Variants in IL2RA observed in about 807,000 individuals in gnomAD.
IL2RA encodes the protein interleukin-2 receptor subunit alpha.
In IL2RA, 24 loss-of-function variants were observed where a neutral mutation model predicts 37.8. The observed-to-expected ratio is 0.63, with a 90% CI of 0.46 to 0.89. The LOEUF is 0.89. IL2RA is among the 40% of genes least tolerant of loss of function. The pLI, the probability that IL2RA is intolerant of heterozygous loss-of-function variation, is 0.00. For missense variants in IL2RA, 319 were observed against 348.6 expected (o/e 0.92, Z 0.68); for synonymous variants, 125 against 114.6 (o/e 1.09, Z -0.58).
Position 6,025,873 on chromosome 10 carries a change from G to A in IL2RA, c.217C>T (p.His73Tyr), listed in dbSNP as rs1375177673. The A allele has an allele frequency of 1.1e-5, 17 of 1,614,078 alleles. No homozygotes were observed. Among genetic ancestry groups the A allele is most frequent in the Non-Finnish European group, 1.4e-5 (17 of 1,180,038 alleles). ...LYMLCTGNSS[H>Y]SSWDNQCQCT... ...TGACATTGGTTGTCCCAGGACGAGT[G>A]GCTAGAGTTTCCTGTACAGAGCATA... The change falls in exon 2 of 8, where the codon CAC becomes TAC. Residue 73 changes from histidine (H) to tyrosine (Y), a missense_variant. By Grantham distance (83) the His-to-Tyr change is moderately conservative (BLOSUM62 2). Transcript: ENST00000379959. This position sits in a 1 kb window ranked among gnomAD's most constrained non-coding sequence, Gnocchi z 4.4.
At chr10:6,037,481 A>G (rs983466213) in intron 1 of IL2RA, among the ~76,000 whole-genome samples, 6 of 152,166 alleles carry the variant, frequency 3.9e-5, no homozygotes, top group African/African-American at 1.4e-4. Flanking sequence ...ATATATCAGA[A>G]CTTTAAGCTC....
intron 1 of IL2RA, among the ~76,000 whole-genome samples, chr10:6,045,333 G>T (rs1292593529): frequency 6.6e-6 from 1 of 152,134 alleles, no homozygotes; most frequent in Non-Finnish European, 1.5e-5. Context: ...TGGGGTGGTG[G>T]GGTGGAGGGA....
intron 1 of IL2RA, among the ~76,000 whole-genome samples, chr10:6,051,836 T>TATATATATATATATATAC (rs1554831681): frequency 8.2e-6 from 1 of 121,452 alleles, no homozygotes. Flanking sequence ...TATATATATA[T>TATATATATATATATATAC]ATATATAGAA....
chr10:6,018,237 C>T lies in IL2RA; in HGVS notation c.728-118G>A. 1.3e-6 allele frequency: 1 copy of T among 759,422 alleles called. No homozygotes were observed. The highest frequency in any genetic ancestry group is 1.5e-5 in the South Asian group (1 of 68,432). 47.0% of individuals were successfully genotyped at this position (759,422 alleles called of 1,614,324 possible). On this transcript the variant is annotated intron_variant, in intron 6 of 7. Transcript: ENST00000379959. This position sits in a 1 kb window ranked among gnomAD's most constrained non-coding sequence, Gnocchi z 5.1. ...CAAAGAGCAAGGCGGAGGCTGCAGC[C>T]TCTCTTCCCTGTCTCAGGAAGTAGG...
At chr10:6,031,494 GTATATATA>G (rs61619651) in intron 1 of IL2RA, among the ~76,000 whole-genome samples, 1,420 of 27,442 alleles carry the variant, frequency 0.052, 52 homozygotes, top group Middle Eastern at 0.21. Context: ...ATATATATAT[GTATATATA>G]TATATATATG....
intron 1 of IL2RA, among the ~76,000 whole-genome samples, chr10:6,061,264 G>C (rs1228994514): frequency 6.6e-6 from 1 of 151,994 alleles, no homozygotes; most frequent in African/African-American, 2.4e-5. Flanking sequence ...GCGTATGCCT[G>C]TAGTCCCAGC....
At chr10:6,043,047 C>T (rs1456109385) in intron 1 of IL2RA, among the ~76,000 whole-genome samples, 2 of 152,302 alleles carry the variant, frequency 1.3e-5, no homozygotes, top group South Asian at 2.1e-4. Context: ...CATATGTGCA[C>T]ACATTCAAGG....
chr10:6,025,785 T>C lies in IL2RA; in HGVS notation c.256+49A>G. On this transcript the variant is annotated intron_variant, in intron 2 of 7. Coordinates refer to ENST00000379959, the MANE Select transcript of IL2RA (RefSeq NM_000417.3). The surrounding 1 kb of genome is among the most constrained non-coding windows in gnomAD (Gnocchi z 4.4). ...GAACAAAAGCTGGGCTCTGTCTCAC[T>C]CTTTGCTGCAGTTCTTTTGTTCTTG... 6.3e-7 allele frequency: 1 copy of C among 1,575,756 alleles called. No individual in the cohort carries two copies. Among genetic ancestry groups the C allele is most frequent in the East Asian group, 2.2e-5 (1 of 44,688 alleles).
At chr10:6,043,056 G>A (rs1292889856) in intron 1 of IL2RA, among the ~76,000 whole-genome samples, 1 of 152,110 alleles carries the variant, frequency 6.6e-6, no homozygotes, top group Non-Finnish European at 1.5e-5. Flanking sequence ...ACACATTCAA[G>A]GCTGTTTATT....
At position 6,028,999 on chromosome 10, in the gene IL2RA, A is replaced by G. The variant is rs1839530615; in HGVS notation, c.65-2974T>C. Among the ~76,000 whole-genome samples the G allele has an allele frequency of 2.0e-5, 3 of 151,888 alleles. No individual in the cohort carries two copies. In the South Asian group the frequency reaches 6.2e-4, roughly 31 times the overall value. ...GAGTGAGAGTCTGTCTCAAAAAAAA[A>G]AAAAAAAGACCCCTAAAATGACCTA... On this transcript the variant is annotated intron_variant, in intron 1 of 7. Coordinates refer to ENST00000379959, the MANE Select transcript of IL2RA (RefSeq NM_000417.3). The surrounding 1 kb of genome is among the most constrained non-coding windows in gnomAD (Gnocchi z 4.1).
chr10:6,034,831 CA>C (rs1839655128), intron 1 of IL2RA, among the ~76,000 whole-genome samples: 1 of 152,222 alleles, frequency 6.6e-6, no homozygotes, highest in South Asian at 2.1e-4. Context: ...CGCACTCCCC[CA>C]GCTCACACCA....
Position 6,056,102 on chromosome 10 carries a change from T to C in IL2RA, c.64+5986A>G, listed in dbSNP as rs1229194271. Among the ~76,000 whole-genome samples the C allele has an allele frequency of 6.6e-6, 1 of 152,192 alleles. No homozygotes were observed. Among genetic ancestry groups the C allele is most frequent in the Non-Finnish European group, 1.5e-5 (1 of 68,036 alleles). ...TACCTAAAATTTCTAGAGACAATTA[T>C]ATTATTGTTTTCCCCTAAATGAGTG... is the stretch of plus-strand genomic sequence containing the variant. On this transcript the variant is annotated intron_variant, in intron 1 of 7. Transcript: ENST00000379959. The surrounding 1 kb of genome is among the most constrained non-coding windows in gnomAD (Gnocchi z 5.0).
At chr10:6,017,988 G>A in intron 7 of IL2RA, 65 bp downstream of exon 7, 1 of 1,305,494 alleles carries the variant, frequency 7.7e-7, no homozygotes, top group Non-Finnish European at 1.1e-6. Context: ...TAGGGGGGAG[G>A]CAGGGTGGGG....
At position 6,029,758 on chromosome 10, in the gene IL2RA, G is replaced by A. The variant is rs1180737796; in HGVS notation, c.65-3733C>T. 6.6e-6 allele frequency among the ~76,000 whole-genome samples: 1 copy of A among 152,074 alleles called. No individual in the cohort carries two copies. The highest frequency in any genetic ancestry group is 1.5e-5 in the Non-Finnish European group (1 of 68,018). On this transcript the variant is annotated intron_variant, in intron 1 of 7. Coordinates refer to ENST00000379959, the MANE Select transcript of IL2RA (RefSeq NM_000417.3). This position sits in a 1 kb window ranked among gnomAD's most constrained non-coding sequence, Gnocchi z 4.6. ...CTTGCTCTGTTGCCCAGGCTGGAGT[G>A]CAGTGGCACAATCTTGGCTCACTGA...
At chr10:6,061,512 G>A (rs1276178745) in intron 1 of IL2RA, among the ~76,000 whole-genome samples, 1 of 152,164 alleles carries the variant, frequency 6.6e-6, no homozygotes, top group Admixed American at 6.5e-5. Context: ...TTCTAAAAGT[G>A]AGTATGCATA....
intron 1 of IL2RA, among the ~76,000 whole-genome samples, chr10:6,031,736 T>C (rs1418288735): frequency 6.6e-6 from 1 of 151,828 alleles, no homozygotes; most frequent in Non-Finnish European, 1.5e-5. Context: ...ATATACTATC[T>C]TTATAGATTG....
chr10:6,028,973 T>C lies in IL2RA; in HGVS notation c.65-2948A>G, dbSNP rs1294206059. On this transcript the variant is annotated intron_variant, in intron 1 of 7. Coordinates refer to ENST00000379959, the MANE Select transcript of IL2RA (RefSeq NM_000417.3). The surrounding 1 kb of genome is among the most constrained non-coding windows in gnomAD (Gnocchi z 4.1). ...GAGCACCCCAGCCTGGGTTACAGAG[T>C]GAGTGAGAGTCTGTCTCAAAAAAAA... Among the ~76,000 whole-genome samples the C allele has an allele frequency of 7.2e-6, 1 of 138,648 alleles. No homozygotes were observed. Among genetic ancestry groups the C allele is most frequent in the East Asian group, 2.1e-4 (1 of 4,706 alleles). The allele number at this position is 138,648 out of a possible 152,430, so 91.0% of individuals were successfully genotyped here.
At position 6,033,854 on chromosome 10, in the gene IL2RA, T is replaced by A. The variant is rs1227681258; in HGVS notation, c.65-7829A>T. On this transcript the variant is annotated intron_variant, in intron 1 of 7. Coordinates refer to ENST00000379959, the MANE Select transcript of IL2RA (RefSeq NM_000417.3). This position sits in a 1 kb window ranked among gnomAD's most constrained non-coding sequence, Gnocchi z 4.3. ...AGCTGTACACATTTGTCAAAACTCA[T>A]CAAATTGTATGCCGCAGATCTATGC... Among the ~76,000 whole-genome samples, 1 of 152,232 alleles carries A rather than the reference T, an allele frequency of 6.6e-6. No homozygotes were observed. The highest frequency in any genetic ancestry group is 1.5e-5 in the Non-Finnish European group (1 of 68,032).
At chr10:6,041,616 CAATTAAGCTTGCTTGTAAA>C (rs1420224532) in intron 1 of IL2RA, among the ~76,000 whole-genome samples, 1 of 151,956 alleles carries the variant, frequency 6.6e-6, no homozygotes. Context: ...AAATATAAAT[CAATTAAGCTTGCTTGTAAA>C]AGACAGAGGT....
Sources: gnomAD v4.1 joint callset for allele counts (sites outside exome capture counted in the v4.1 genomes callset) on GRCh38, gnomAD v4.1.1 for gene constraint, Gnocchi (gnomAD v3.1) non-coding constraint, MANE v1.5 for transcripts, NCBI Gene and HGNC (gene_info 2026-07-23, HGNC 2026-07-21) for gene names.